Variants in ATG10 observed in about 807,000 individuals in gnomAD.
ATG10 encodes the protein autophagy related 10.
A neutral mutation model predicts 32.1 loss-of-function variants in ATG10; 30 were observed. The ratio of observed to expected loss-of-function variants is 0.94; its 90% CI spans 0.70 to 1.27. The LOEUF is 1.27. Ranked by LOEUF, ATG10 falls within the 50% of genes most tolerant of loss-of-function variation. The pLI, the probability that ATG10 is intolerant of heterozygous loss-of-function variation, is 0.00. For missense variants in ATG10, 233 were observed against 262.3 expected (o/e 0.89, Z 0.77); for synonymous variants, 87 against 91.5 (o/e 0.95, Z 0.28).
intron 3 of ATG10, among the ~76,000 whole-genome samples, chr5:82,072,532 A>G (rs1764160751): frequency 1.3e-5 from 2 of 152,116 alleles, no homozygotes; most frequent in South Asian, 4.1e-4. Flanking sequence ...ATGAAATTTT[A>G]CTCTGTAGAA....
At chr5:82,044,588 A>G (rs567931449) in intron 2 of ATG10, among the ~76,000 whole-genome samples, 20 of 152,040 alleles carry the variant, frequency 1.3e-4, no homozygotes, top group East Asian at 3.9e-4. Context: ...CTGGAATGCA[A>G]TTAAGATCCT....
chr5:82,076,875 T>C (rs996109329), intron 3 of ATG10, among the ~76,000 whole-genome samples: 8 of 152,194 alleles, frequency 5.3e-5, no homozygotes, highest in Non-Finnish European at 1.2e-4. Flanking sequence ...TTAAAAAAAT[T>C]GTATGCTAAA....
At chr5:82,189,392 A>G (rs1464411467) in intron 5 of ATG10, among the ~76,000 whole-genome samples, 1 of 152,182 alleles carries the variant, frequency 6.6e-6, no homozygotes, top group Non-Finnish European at 1.5e-5. Context: ...ATTAAATTCT[A>G]GATCGATCAT....
chr5:82,081,308 G>A (rs1485821915), intron 3 of ATG10, among the ~76,000 whole-genome samples: 6 of 152,128 alleles, frequency 3.9e-5, no homozygotes, highest in Non-Finnish European at 5.9e-5. Flanking sequence ...CTGCAAACAG[G>A]GACAATTTGA....
intron 2 of ATG10, among the ~76,000 whole-genome samples, chr5:81,991,328 A>T (rs1040454885): frequency 6.6e-6 from 1 of 151,824 alleles, no homozygotes; most frequent in Non-Finnish European, 1.5e-5. Context: ...ATTTTTTTTT[A>T]AATTGTTGTA....
chr5:82,236,607 T>G (rs1746563417), intron 5 of ATG10, among the ~76,000 whole-genome samples: 2 of 152,288 alleles, frequency 1.3e-5, no homozygotes, highest in South Asian at 4.1e-4. Context: ...ATCTGAGAAT[T>G]ATTGCTATGA....
At chr5:82,102,806 T>G (rs1296209864) in intron 3 of ATG10, among the ~76,000 whole-genome samples, 1 of 152,222 alleles carries the variant, frequency 6.6e-6, no homozygotes. Flanking sequence ...GTGCTTTGTG[T>G]AAACCACTGT....
chr5:82,213,237 C>G (rs1745559344), intron 5 of ATG10, among the ~76,000 whole-genome samples: 1 of 152,226 alleles, frequency 6.6e-6, no homozygotes. Context: ...ACGAATTTCT[C>G]TCTTAAATTT....
chr5:82,039,483 CTT>C (rs138052440), intron 2 of ATG10, among the ~76,000 whole-genome samples: 1,813 of 152,098 alleles, frequency 0.012, 35 homozygotes, highest in African/African-American at 0.042. Flanking sequence ...ATATTATTGT[CTT>C]TGAAGAAGAT....
intron 5 of ATG10, among the ~76,000 whole-genome samples, chr5:82,185,391 T>C (rs1384157030): frequency 6.6e-6 from 1 of 152,184 alleles, no homozygotes; most frequent in Non-Finnish European, 1.5e-5. Context: ...AAGAAACTCG[T>C]TGATTATTTT....
chr5:82,056,363 A>G (rs184910505), intron 2 of ATG10, among the ~76,000 whole-genome samples: 19 of 150,932 alleles, frequency 1.3e-4, no homozygotes, highest in African/African-American at 4.1e-4. Flanking sequence ...GTTTCTCTGT[A>G]TCTCATGGTC....
chr5:82,119,725 T>C (rs1272333431), intron 3 of ATG10, among the ~76,000 whole-genome samples: 1 of 152,166 alleles, frequency 6.6e-6, no homozygotes, highest in African/African-American at 2.4e-5. Flanking sequence ...CCTCCCAAAG[T>C]GCTGGGATTA....
intron 5 of ATG10, among the ~76,000 whole-genome samples, chr5:82,209,931 T>G (rs1745434419): frequency 6.6e-6 from 1 of 152,176 alleles, no homozygotes; most frequent in Non-Finnish European, 1.5e-5. Context: ...AGTCTTTCAG[T>G]TTTATCTTTG....
At chr5:82,132,797 T>A (rs1440389991) in intron 3 of ATG10, among the ~76,000 whole-genome samples, 1 of 152,126 alleles carries the variant, frequency 6.6e-6, no homozygotes, top group Non-Finnish European at 1.5e-5. Context: ...TAGTTCTAGA[T>A]CCTTGAGGAA....
intron 3 of ATG10, among the ~76,000 whole-genome samples, chr5:82,094,788 C>T (rs999481713): frequency 4.6e-5 from 7 of 152,008 alleles, no homozygotes; most frequent in Non-Finnish European, 8.8e-5. Context: ...TATATGCATG[C>T]ATATACATTG....
chr5:82,138,591 T>G (rs1321386987), intron 3 of ATG10, among the ~76,000 whole-genome samples: 2 of 152,202 alleles, frequency 1.3e-5, no homozygotes, highest in Non-Finnish European at 1.5e-5. Flanking sequence ...ACTGGGTACC[T>G]CAGTTGGAAA....
At chr5:82,224,409 C>T (rs1000705894) in intron 5 of ATG10, among the ~76,000 whole-genome samples, 5 of 152,176 alleles carry the variant, frequency 3.3e-5, no homozygotes, top group African/African-American at 1.2e-4. Context: ...CCATAGCTCT[C>T]ATTGCATATT....
chr5:82,210,265 A>G (rs897282551), intron 5 of ATG10, among the ~76,000 whole-genome samples: 1 of 152,160 alleles, frequency 6.6e-6, no homozygotes, highest in Non-Finnish European at 1.5e-5. Context: ...GCTCTGTGAA[A>G]TGTTATTTTT....
In ATG10 at chr5:82,025,089, G is replaced by A. The variant is rs530206152; in HGVS notation, c.109-33406G>A. Among the ~76,000 whole-genome samples, 43 of 152,314 alleles carry A rather than the reference G, an allele frequency of 2.8e-4. No individual in the cohort carries two copies. In the South Asian group the frequency reaches 4.1e-3, roughly 15 times the overall value. ...AAAAAGTGAAGATAGGAATGGGAAA[G>A]CATGAATGACAAGTTTCATTTACTT... On this transcript the variant is annotated intron_variant, in intron 2 of 7. Coordinates refer to ENST00000282185, the MANE Select transcript of ATG10 (RefSeq NM_031482.5).
Sources: allele counts gnomAD v4.1 joint callset (sites outside exome capture counted in the v4.1 genomes callset), GRCh38; gene constraint gnomAD v4.1.1; transcripts MANE v1.5; gene names NCBI Gene and HGNC (gene_info 2026-07-23, HGNC 2026-07-21).